The following PHF14 variants were observed in gnomAD, a reference collection of about 807,000 sequenced individuals.
PHF14 encodes PHD finger protein 14.
In PHF14, 55 loss-of-function variants were observed where a neutral mutation model predicts 117.9. The ratio of observed to expected loss-of-function variants is 0.47; its 90% CI spans 0.38 to 0.58. PHF14 has a LOEUF of 0.58. Ranked by LOEUF, PHF14 falls within the 20% of genes least tolerant of loss-of-function variation. The pLI, the probability that PHF14 is intolerant of heterozygous loss-of-function variation, is 0.00. For synonymous variants in PHF14, 409 were observed against 368.6 expected, an observed-to-expected ratio of 1.11 and a Z score of -1.26; for missense variants, 978 against 1,122.2, an observed-to-expected ratio of 0.87 and a Z score of 1.84.
intron 16 of PHF14, among the ~76,000 whole-genome samples, chr7:11,067,850 C>A (rs35580506): frequency 0.42 from 63,688 of 151,814 alleles, 14,259 homozygotes; most frequent in East Asian, 0.85. Flanking sequence ...GCTCTTTTTA[C>A]TATCCAACTA....
At chr7:11,104,206 C>A in intron 16 of PHF14, 1 of 982,480 alleles carries the variant, frequency 1.0e-6, no homozygotes, top group Non-Finnish European at 1.2e-6. Context: ...ACTATATTAT[C>A]ATCATTTTCC....
In PHF14 at chr7:11,103,247, ATC is replaced by A. The variant is rs932490168; in HGVS notation, c.2655-8101_2655-8100del. ...ATTTTAAGCTCATGAATAAAGATAT[ATC>A]TGTGTTGATCTCTAGATATTTTTAG... On this transcript the variant is annotated intron_variant, in intron 16 of 17. Transcript: ENST00000634607. The A allele has an allele frequency of 5.6e-6, 5 of 892,614 alleles. No homozygotes were observed. The African/African-American group carries it at 9.1e-5, about 16-fold the overall frequency. The allele number at this position is 892,614 out of a possible 1,614,324, so 55.3% of individuals were successfully genotyped here.
chr7:10,979,695 A>T (rs543172162), intron 2 of PHF14, among the ~76,000 whole-genome samples: 1 of 152,050 alleles, frequency 6.6e-6, no homozygotes, highest in African/African-American at 2.4e-5. Flanking sequence ...GTAAATAAAT[A>T]TGGTTTATCT....
At chr7:11,078,504 G>A (rs992025335) in intron 16 of PHF14, among the ~76,000 whole-genome samples, 1 of 152,074 alleles carries the variant, frequency 6.6e-6, no homozygotes, top group African/African-American at 2.4e-5. Context: ...CATAGAATGA[G>A]CAATGCATTA....
At chr7:11,032,664 T>G (rs1349855078) in intron 7 of PHF14, among the ~76,000 whole-genome samples, 4 of 152,226 alleles carry the variant, frequency 2.6e-5, no homozygotes, top group Non-Finnish European at 5.9e-5. Context: ...CCACAGGCTC[T>G]AAGTTCTCAC....
intron 16 of PHF14, among the ~76,000 whole-genome samples, chr7:11,086,508 C>G (rs924722779): frequency 6.6e-6 from 1 of 152,090 alleles, no homozygotes; most frequent in Non-Finnish European, 1.5e-5. Context: ...GTCCATATGT[C>G]TTGGTCAGTG....
intron 17 of PHF14, among the ~76,000 whole-genome samples, chr7:11,113,871 G>A (rs935718384): frequency 1.3e-5 from 2 of 152,002 alleles, no homozygotes; most frequent in South Asian, 2.1e-4. Flanking sequence ...TTTTACATTC[G>A]GAAGCTGTAT....
At chr7:11,043,520 A>C (rs1053898858) in intron 13 of PHF14, among the ~76,000 whole-genome samples, 1 of 152,140 alleles carries the variant, frequency 6.6e-6, no homozygotes, top group South Asian at 2.1e-4. Flanking sequence ...AGTGAACCCC[A>C]AATTTTTAAA....
At chr7:11,070,244 A>T (rs1287806173) in intron 16 of PHF14, among the ~76,000 whole-genome samples, 3 of 152,146 alleles carry the variant, frequency 2.0e-5, no homozygotes, top group African/African-American at 7.2e-5. Flanking sequence ...TGCCCAGCTG[A>T]TTTTTTAATC....
chr7:11,121,807 T>C (rs1787762527), intron 17 of PHF14, among the ~76,000 whole-genome samples: 1 of 152,072 alleles, frequency 6.6e-6, no homozygotes, highest in Admixed American at 6.6e-5. Flanking sequence ...CATCATGCTC[T>C]TCAGAATGGT....
rs561489514 is a variant in PHF14 at position 11,034,869 on chromosome 7, C to T, written c.1456-771C>T. On this transcript the variant is annotated intron_variant, in intron 7 of 17. Transcript: ENST00000634607. ...TGGCCCTTAATTCTATTTTTATCCT[C>T]AGTAGAATCTGTCCATTGTTAGCCA... Among the ~76,000 whole-genome samples, 66 of 152,080 alleles carry T rather than the reference C, an allele frequency of 4.3e-4. 1 individual carries two copies. Among genetic ancestry groups the T allele is most frequent in the African/African-American group, 1.5e-3 (62 of 41,506 alleles).
In PHF14 at chr7:11,050,896, A is replaced by G. The variant is rs184467525; in HGVS notation, c.2313-716A>G. 2.8e-3 allele frequency among the ~76,000 whole-genome samples: 421 copies of G among 152,264 alleles called. 3 individuals carry two copies. The highest frequency in any genetic ancestry group is 3.9e-3 in the Non-Finnish European group (268 of 68,026). ...GTCTGTTTGTATAGTTTCTTTAAGTAGTATATTCAGCACAAGTTGTCACTG... is the reference window on the plus strand; with the variant it reads ...GTCTGTTTGTATAGTTTCTTTAAGTGGTATATTCAGCACAAGTTGTCACTG... On this transcript the variant is annotated intron_variant, in intron 13 of 17. Transcript: ENST00000634607.
intron 16 of PHF14, among the ~76,000 whole-genome samples, chr7:11,097,025 G>A (rs1330063099): frequency 7.0e-6 from 1 of 142,344 alleles, no homozygotes; most frequent in Non-Finnish European, 1.5e-5. Flanking sequence ...TGTTGCCCCG[G>A]CTGGAGTGCA....
Position 10,974,266 on chromosome 7 carries a change from C to T in PHF14, c.-58C>T, listed in dbSNP as rs572960331. ...CCCCAGTCCCCGACCTCGGCGCTGC[C>T]TGGGCTCCTGCAGCCTCTCCCTAAG... On this transcript the variant is annotated 5_prime_UTR_variant, in exon 1 of 18. Coordinates refer to ENST00000634607, the MANE Select transcript of PHF14 (RefSeq NM_001007157.2). 98 of 1,525,748 alleles carry T rather than the reference C, an allele frequency of 6.4e-5. 1 individual carries two copies. In the African/African-American group the frequency reaches 1.2e-3, roughly 19 times the overall value. 94.5% of individuals were successfully genotyped at this position (1,525,748 alleles called of 1,614,324 possible). A position where few individuals can be genotyped will look rare whatever the true frequency, so the allele number is the denominator to read the frequency against.
chr7:11,047,521 C>G (rs528716144), intron 13 of PHF14, among the ~76,000 whole-genome samples: 26 of 151,540 alleles, frequency 1.7e-4, no homozygotes, highest in African/African-American at 6.1e-4. Context: ...AAAGGCCAGA[C>G]GCAGTGGCTC....
chr7:11,108,902 A>G (rs2128342994), intron 16 of PHF14: 1 of 151,932 alleles, frequency 6.6e-6, no homozygotes, highest in East Asian at 1.9e-4. Flanking sequence ...TTTGAAAATT[A>G]TTATGACACA....
intron 17 of PHF14, among the ~76,000 whole-genome samples, chr7:11,163,510 A>G (rs1218476212): frequency 6.6e-6 from 1 of 152,196 alleles, no homozygotes; most frequent in Non-Finnish European, 1.5e-5. Context: ...AGAAGTATAG[A>G]AAAATAAAAG....
At chr7:11,111,611 G>A (rs1450238811) in intron 17 of PHF14, 144 bp downstream of exon 17, 3 of 495,888 alleles carry the variant, frequency 6.0e-6, no homozygotes, top group Non-Finnish European at 1.1e-5. Flanking sequence ...ATATTGCTAT[G>A]GTTATTTTCT....
chr7:11,102,990 A>C (rs1356269506), intron 16 of PHF14: 5 of 996,372 alleles, frequency 5.0e-6, no homozygotes, highest in Non-Finnish European at 6.0e-6. Flanking sequence ...AATAACAAAC[A>C]AGAAAGACAA....
Sources: allele counts gnomAD v4.1 joint callset (sites outside exome capture counted in the v4.1 genomes callset), GRCh38; gene constraint gnomAD v4.1.1; transcripts MANE v1.5; gene names NCBI Gene and HGNC (gene_info 2026-07-23, HGNC 2026-07-21).